The following SPANXN2 variants were observed in gnomAD, a reference collection of about 807,000 sequenced individuals.
SPANXN2 encodes the protein sperm protein associated with the nucleus on the X chromosome N2.
A neutral mutation model predicts 2.0 loss-of-function variants in SPANXN2; 1 was observed. The ratio of observed to expected loss-of-function variants is 0.50; its 90% CI spans 0.18 to 2.36. SPANXN2 has a LOEUF of 2.36. Ranked by LOEUF, SPANXN2 falls within the 30% of genes most tolerant of loss-of-function variation. The pLI is 0.26. For missense variants in SPANXN2, 88 were observed against 116.7 expected (o/e 0.75, Z 1.13); for synonymous variants, 43 against 49.8 (o/e 0.86, Z 0.58).
chrX:143,717,445 A>G (rs1384125965), intron 1 of SPANXN2, among the ~76,000 whole-genome samples: 2 of 111,314 alleles, frequency 1.8e-5, no homozygotes, highest in African/African-American at 6.6e-5. Context: ...GCAGCCTGGC[A>G]GGCAGCCCTT....
At chrX:143,719,751 T>C (rs1342631757) in intron 1 of SPANXN2, among the ~76,000 whole-genome samples, 1 of 110,846 alleles carries the variant, frequency 9.0e-6, no homozygotes, top group Non-Finnish European at 1.9e-5. Flanking sequence ...CCACACACAC[T>C]AAGCAGGCTG....
rs1270285166 is a variant in SPANXN2, at chrX:143,718,532, A to AC, written c.78+2058dup. ...CTAACATCCTTTGCACACTGAATGC[A>AC]CATTTCAAACTAAAAAGAGCACCAG... On this transcript the variant is annotated intron_variant, in intron 1 of 1. Transcript: ENST00000598475. 7.2e-5 allele frequency among the ~76,000 whole-genome samples: 8 copies of AC among 111,749 alleles called. 1 individual carries two copies. The Admixed American group carries it at 7.6e-4, about 11-fold the overall frequency.
chrX:143,720,207 G>A (rs782407476), intron 1 of SPANXN2, among the ~76,000 whole-genome samples: 6 of 110,041 alleles, frequency 5.5e-5, no homozygotes, highest in South Asian at 7.7e-4. Context: ...AACATTCCAC[G>A]GGGGTTCGGG....
intron 1 of SPANXN2, among the ~76,000 whole-genome samples, chrX:143,717,301 C>T (rs1556449993): frequency 8.9e-6 from 1 of 111,855 alleles, no homozygotes; most frequent in African/African-American, 3.3e-5. Flanking sequence ...AAAGGAACCC[C>T]CATAAGAAAT....
At chrX:143,717,824 T>C (rs1932294258) in intron 1 of SPANXN2, among the ~76,000 whole-genome samples, 2 of 111,603 alleles carry the variant, frequency 1.8e-5, no homozygotes, top group Admixed American at 1.9e-4. Context: ...GACTAGCAAA[T>C]CAACATCACT....
At chrX:143,716,654 C>T (rs1458394657) in intron 1 of SPANXN2, among the ~76,000 whole-genome samples, 1 of 112,109 alleles carries the variant, frequency 8.9e-6, no homozygotes, top group Non-Finnish European at 1.9e-5. Context: ...CCATTGCACG[C>T]CTCTCAAAAC....
chrX:143,712,625 C>A, intron 1 of SPANXN2, 126 bp from the exon 2 acceptor site: 1 of 633,663 alleles, frequency 1.6e-6, no homozygotes, highest in Non-Finnish European at 2.5e-6. Flanking sequence ...CAGAGAAGAA[C>A]AAGGTGGAAT....
chrX:143,717,523 A>AC (rs1735558149), intron 1 of SPANXN2, among the ~76,000 whole-genome samples: 1 of 110,506 alleles, frequency 9.0e-6, no homozygotes, highest in African/African-American at 3.3e-5. Context: ...CAGGAAAAAA[A>AC]CCCACTTGCC....
At chrX:143,716,363 G>T (rs1212113438) in intron 1 of SPANXN2, among the ~76,000 whole-genome samples, 1 of 110,375 alleles carries the variant, frequency 9.1e-6, no homozygotes, top group Non-Finnish European at 1.9e-5. Context: ...AAAAAAAAAG[G>T]ACCTCCCCTC....
chrX:143,717,547 T>C (rs1406727077), intron 1 of SPANXN2, among the ~76,000 whole-genome samples: 5 of 111,972 alleles, frequency 4.5e-5, no homozygotes, highest in African/African-American at 1.6e-4. Context: ...GCTGGTGCCA[T>C]TCAGGAAAAA....
rs782105633 is a variant in SPANXN2 at position 143,716,366 on chromosome X, C to T, written c.79-3867G>A. Among the ~76,000 whole-genome samples, 4 of 110,728 alleles carry T rather than the reference C, an allele frequency of 3.6e-5. No homozygotes were observed. In the South Asian group the frequency reaches 1.5e-3, roughly 43 times the overall value. Reference sequence around the variant, plus strand: ...CCTTCCCCACATAAAAAAAAAGGACCTCCCCTCCTTCTTGGGCCTTGTGGG... The same window carrying T: ...CCTTCCCCACATAAAAAAAAAGGACTTCCCCTCCTTCTTGGGCCTTGTGGG... On this transcript the variant is annotated intron_variant, in intron 1 of 1. Transcript: ENST00000598475.
At chrX:143,712,357 C>G in exon 2 of SPANXN2, 1 of 1,212,460 alleles carries the variant, frequency 8.2e-7, no homozygotes, top group Non-Finnish European at 1.1e-6. Flanking sequence ...GGAGTTCTCT[C>G]GGGACTGGTC....
intron 1 of SPANXN2, among the ~76,000 whole-genome samples, chrX:143,718,662 C>G (rs1479624594): frequency 8.9e-6 from 1 of 111,830 alleles, no homozygotes; most frequent in African/African-American, 3.3e-5. Flanking sequence ...TCCAGAACAC[C>G]TTAGTCCATA....
chrX:143,717,254 T>A lies in SPANXN2; in HGVS notation c.78+3337A>T, dbSNP rs185428466. ...ATGCATACCATGTCCTACAGTCTCA[T>A]GCCTTCATCTGGCAGGAACAGGGTT... On this transcript the variant is annotated intron_variant, in intron 1 of 1. Coordinates refer to ENST00000598475, the Ensembl canonical transcript of SPANXN2. 2.2e-3 allele frequency among the ~76,000 whole-genome samples: 247 copies of A among 112,028 alleles called. 2 individuals carry two copies. Among genetic ancestry groups the A allele is most frequent in the African/African-American group, 7.7e-3 (238 of 30,778 alleles).
intron 1 of SPANXN2, among the ~76,000 whole-genome samples, chrX:143,713,888 C>CCTCTCTCTCT (rs782021002): frequency 7.4e-4 from 26 of 35,106 alleles, no homozygotes; most frequent in African/African-American, 2.5e-3. Context: ...TCCTTTCATG[C>CCTCTCTCTCT]CTCACTCTCT....
intron 1 of SPANXN2, among the ~76,000 whole-genome samples, chrX:143,716,940 G>A (rs1479085941): frequency 9.0e-6 from 1 of 111,326 alleles, no homozygotes. Context: ...AAACACTTCC[G>A]ACTCTAAGCT....
chrX:143,719,227 A>T (rs1219053968), intron 1 of SPANXN2, among the ~76,000 whole-genome samples: 1 of 110,680 alleles, frequency 9.0e-6, no homozygotes, highest in African/African-American at 3.3e-5. Flanking sequence ...ATTCCAGAAA[A>T]TACCTCTTAT....
intron 1 of SPANXN2, among the ~76,000 whole-genome samples, chrX:143,719,705 T>C: frequency 9.0e-6 from 1 of 110,895 alleles, no homozygotes; most frequent in East Asian, 2.9e-4. Flanking sequence ...AAGCAGACCA[T>C]CCAGGTTCCT....
intron 1 of SPANXN2, among the ~76,000 whole-genome samples, chrX:143,713,609 C>T (rs782314157): frequency 9.0e-6 from 1 of 111,145 alleles, no homozygotes; most frequent in Non-Finnish European, 1.9e-5. Context: ...ATGAATAGTA[C>T]GGGGCTGCCC....
Sources: gnomAD v4.1 joint callset for allele counts (sites outside exome capture counted in the v4.1 genomes callset) on GRCh38, gnomAD v4.1.1 for gene constraint, MANE v1.5 for transcripts, NCBI Gene and HGNC (gene_info 2026-07-23, HGNC 2026-07-21) for gene names.